The following TECPR2 variants were observed in gnomAD, a reference collection of about 807,000 sequenced individuals.
TECPR2 encodes tectonin beta-propeller repeat-containing protein 2.
Under a neutral mutation model 138.1 loss-of-function variants are expected in TECPR2, and 65 were observed. The observed-to-expected ratio is 0.47, with a 90% CI of 0.39 to 0.58. The LOEUF (loss-of-function observed/expected upper bound fraction) is 0.58. TECPR2 is among the 20% of genes least tolerant of loss of function. TECPR2 has a pLI of 0.00. For synonymous variants in TECPR2, 746 were observed against 749.8 expected (o/e 0.99, Z 0.08); for missense variants, 1,553 against 1,824.5 (o/e 0.85, Z 2.71).
intron 17 of TECPR2, among the ~76,000 whole-genome samples, chr14:102,469,010 G>C (rs981815278): frequency 6.6e-6 from 1 of 152,062 alleles, no homozygotes; most frequent in Non-Finnish European, 1.5e-5. Context: ...TAGCTTTGTC[G>C]TAAATTTTGA....
intron 2 of TECPR2, among the ~76,000 whole-genome samples, chr14:102,406,007 A>G (rs1888647876): frequency 6.6e-6 from 1 of 151,722 alleles, no homozygotes; most frequent in Admixed American, 6.6e-5. Flanking sequence ...ATCTGAGGAG[A>G]TTAAAAAAAA....
chr14:102,459,542 G>A (rs763734317), intron 16 of TECPR2, among the ~76,000 whole-genome samples: 18 of 152,104 alleles, frequency 1.2e-4, no homozygotes, highest in Non-Finnish European at 2.6e-4. Context: ...CACTTTGAGA[G>A]GCCAAGGTGC....
intron 2 of TECPR2, among the ~76,000 whole-genome samples, chr14:102,385,935 CAA>C (rs368972152): frequency 0.014 from 1,887 of 133,994 alleles, 44 homozygotes; most frequent in African/African-American, 0.048. Context: ...GACCCTGCCT[CAA>C]AAAAAAAAAA....
At chr14:102,433,494 T>TTTTATTTA (rs10667656) in intron 8 of TECPR2, among the ~76,000 whole-genome samples, 211 of 150,102 alleles carry the variant, frequency 1.4e-3, no homozygotes, top group Middle Eastern at 3.5e-3. Context: ...CATTCTTTAT[T>TTTTATTTA]TTTATTTATT....
Position 102,431,780 on chromosome 14 carries a change from G to T in TECPR2, c.1085-16G>T. On this transcript the variant is annotated splice_polypyrimidine_tract_variant and intron_variant, in intron 7 of 19. Transcript: ENST00000359520. ...TCTTGGATCACCAGTGGTAAAACCAGACTCTTCTTTCTTAGTGAGAGATGG... is the reference window on the plus strand; with the variant it reads ...TCTTGGATCACCAGTGGTAAAACCATACTCTTCTTTCTTAGTGAGAGATGG... 6.5e-7 allele frequency: 1 copy of T among 1,530,968 alleles called. No homozygotes were observed. Among genetic ancestry groups the T allele is most frequent in the South Asian group, 1.3e-5 (1 of 79,952 alleles). The allele number at this position is 1,530,968 out of a possible 1,614,324, so 94.8% of individuals were successfully genotyped here.
intron 3 of TECPR2, among the ~76,000 whole-genome samples, chr14:102,408,062 G>A (rs559917237): frequency 3.3e-5 from 5 of 152,022 alleles, no homozygotes; most frequent in African/African-American, 1.2e-4. Context: ...CCAGCTACTC[G>A]GGAGGCTGAG....
At chr14:102,491,040 G>A (rs115047252) in intron 17 of TECPR2, among the ~76,000 whole-genome samples, 1 of 152,034 alleles carries the variant, frequency 6.6e-6, no homozygotes, top group East Asian at 1.9e-4. Flanking sequence ...AATTACAGGC[G>A]CATGCCACCA....
In TECPR2 at chr14:102,445,948, G is replaced by A; in HGVS notation, c.3075+1G>A. The A allele has an allele frequency of 6.2e-7, 1 of 1,613,768 alleles. No individual in the cohort carries two copies. The highest frequency in any genetic ancestry group is 8.5e-7 in the Non-Finnish European group (1 of 1,179,836). ...AGGAGATGACGACCATTGGTGGCAA[G>A]TAGGTGTTCAGCTCTGCGCCACGTG... On this transcript the variant is annotated splice_donor_variant, in intron 13 of 19. Coordinates refer to ENST00000359520, the MANE Select transcript of TECPR2 (RefSeq NM_014844.5). LOFTEE classifies it high-confidence loss of function.
intron 17 of TECPR2, among the ~76,000 whole-genome samples, chr14:102,466,978 G>C (rs1201357506): frequency 6.6e-6 from 1 of 152,178 alleles, no homozygotes; most frequent in East Asian, 1.9e-4. Flanking sequence ...GTTCATCCAC[G>C]TTGTAGGTGT....
At chr14:102,456,881 A>C (rs546500164) in intron 16 of TECPR2, among the ~76,000 whole-genome samples, 95 of 150,656 alleles carry the variant, frequency 6.3e-4, no homozygotes, top group African/African-American at 2.3e-3. Flanking sequence ...GAGCTACCGC[A>C]CCCAGCCTCC....
intron 17 of TECPR2, among the ~76,000 whole-genome samples, chr14:102,477,179 G>A (rs1452414231): frequency 6.6e-6 from 1 of 152,242 alleles, no homozygotes. Flanking sequence ...AGACCAGCCT[G>A]GCCAACGTGG....
At chr14:102,436,313 T>C (rs897187908) in intron 9 of TECPR2, among the ~76,000 whole-genome samples, 14 of 147,624 alleles carry the variant, frequency 9.5e-5, no homozygotes, top group Admixed American at 9.4e-4. Flanking sequence ...TTTTCTTCTT[T>C]CTTTCTTTTT....
rs549451173 is a variant in TECPR2 at position 102,428,483 on chromosome 14, A to T, written c.1084+101A>T. Reference sequence around the variant, plus strand: ...AATTGATCAAACTTACCATTGGGCCAGGCATGGTGGCTCACGCCTGTAATC... The same window carrying T: ...AATTGATCAAACTTACCATTGGGCCTGGCATGGTGGCTCACGCCTGTAATC... On this transcript the variant is annotated intron_variant, in intron 7 of 19. Coordinates refer to ENST00000359520, the MANE Select transcript of TECPR2 (RefSeq NM_014844.5). 1.4e-5 allele frequency: 21 copies of T among 1,549,422 alleles called. No individual in the cohort carries two copies. In the South Asian group the frequency reaches 2.4e-4, roughly 17 times the overall value.
At chr14:102,451,787 G>C (rs1890149920) in intron 15 of TECPR2, among the ~76,000 whole-genome samples, 1 of 152,180 alleles carries the variant, frequency 6.6e-6, no homozygotes, top group Non-Finnish European at 1.5e-5. Flanking sequence ...ATTTTAAACA[G>C]AATCTGTTAA....
intron 17 of TECPR2, among the ~76,000 whole-genome samples, chr14:102,480,219 T>TA (rs1890857755): frequency 1.3e-5 from 1 of 76,974 alleles, no homozygotes; most frequent in Non-Finnish European, 2.5e-5. Flanking sequence ...TGGTTTTTTT[T>TA]TTTTTTTTTT....
At chr14:102,457,482 C>T (rs1308065022) in intron 16 of TECPR2, among the ~76,000 whole-genome samples, 1 of 152,200 alleles carries the variant, frequency 6.6e-6, no homozygotes, top group Non-Finnish European at 1.5e-5. Flanking sequence ...TGGCGGCTGT[C>T]ATCAGGTGGC....
chr14:102,476,747 G>C (rs1890774462), intron 17 of TECPR2, among the ~76,000 whole-genome samples: 1 of 152,178 alleles, frequency 6.6e-6, no homozygotes, highest in South Asian at 2.1e-4. Context: ...AATACATACT[G>C]TTATCATTTC....
intron 7 of TECPR2, among the ~76,000 whole-genome samples, chr14:102,429,124 G>T (rs1340420657): frequency 6.6e-6 from 1 of 152,178 alleles, no homozygotes; most frequent in African/African-American, 2.4e-5. Flanking sequence ...TGGGATTAAA[G>T]GCGTGAGCCA....
chr14:102,489,400 C>A (rs988300407), intron 17 of TECPR2, among the ~76,000 whole-genome samples: 1 of 151,714 alleles, frequency 6.6e-6, no homozygotes, highest in African/African-American at 2.4e-5. Flanking sequence ...GGGTGGGTCA[C>A]AAGGTCAGGA....
Sources: allele counts gnomAD v4.1 joint callset (sites outside exome capture counted in the v4.1 genomes callset), GRCh38; gene constraint gnomAD v4.1.1; transcripts MANE v1.5; gene names NCBI Gene and HGNC (gene_info 2026-07-23, HGNC 2026-07-21).